The following TENM1 variants were observed in gnomAD, a reference collection of about 807,000 sequenced individuals.
The protein encoded by TENM1 is teneurin transmembrane protein 1.
In TENM1, 35 loss-of-function variants were observed where a neutral mutation model predicts 174.8. The ratio of observed to expected loss-of-function variants is 0.20; its 90% CI spans 0.15 to 0.27. TENM1 has a LOEUF of 0.27. Ranked by LOEUF, TENM1 falls within the 10% of genes least tolerant of loss-of-function variation. TENM1 has a pLI of 1.00. For synonymous variants in TENM1, 781 were observed against 798.7 expected, an observed-to-expected ratio of 0.98 and a Z score of 0.37; for missense variants, 1,633 against 2,130.1, an observed-to-expected ratio of 0.77 and a Z score of 4.59.
At chrX:124,777,502 AT>A (rs749462737) in intron 3 of TENM1, among the ~76,000 whole-genome samples, 1 of 111,826 alleles carries the variant, frequency 8.9e-6, no homozygotes, top group East Asian at 2.8e-4. Context: ...ACTTTGAAGA[AT>A]TGGTAAAGTC....
chrX:124,444,587 A>T (rs189843424), intron 23 of TENM1, among the ~76,000 whole-genome samples: 1 of 111,743 alleles, frequency 8.9e-6, no homozygotes, highest in East Asian at 2.8e-4. Flanking sequence ...TGCTGTTTGC[A>T]TCTATTTTAT....
chrX:124,763,671 A>G (rs1035437334), intron 3 of TENM1, among the ~76,000 whole-genome samples: 8 of 111,910 alleles, frequency 7.1e-5, no homozygotes, highest in Admixed American at 5.7e-4. Flanking sequence ...ACAGGTCTCT[A>G]TTGTAGAGCC....
At chrX:124,748,658 A>G (rs2053992581) in intron 3 of TENM1, among the ~76,000 whole-genome samples, 1 of 112,030 alleles carries the variant, frequency 8.9e-6, no homozygotes, top group East Asian at 2.8e-4. Flanking sequence ...TTACTTAGAG[A>G]TATCATCTGT....
At chrX:124,726,674 T>A (rs762830527) in intron 4 of TENM1, among the ~76,000 whole-genome samples, 1,769 of 112,192 alleles carry the variant, frequency 0.016, 37 homozygotes, top group African/African-American at 0.054. Flanking sequence ...TTTGAGATTT[T>A]TTTTCTCCAG....
intron 3 of TENM1, among the ~76,000 whole-genome samples, chrX:124,843,926 G>A (rs777273382): frequency 1.8e-5 from 2 of 111,540 alleles, no homozygotes; most frequent in South Asian, 3.8e-4. Flanking sequence ...CTTCTATGCC[G>A]TAGGAATGCA....
intron 11 of TENM1, among the ~76,000 whole-genome samples, chrX:124,577,513 T>TA (rs1355908903): frequency 8.9e-6 from 1 of 111,839 alleles, no homozygotes; most frequent in Non-Finnish European, 1.9e-5. Flanking sequence ...CATTTAGTTT[T>TA]AAAAAAATTT....
intron 3 of TENM1, among the ~76,000 whole-genome samples, chrX:124,846,387 C>T (rs1259348368): frequency 1.8e-5 from 2 of 111,126 alleles, no homozygotes; most frequent in African/African-American, 6.5e-5. Context: ...AAATATAATC[C>T]AAGTGAAGTG....
At chrX:125,055,547 G>A in the TENM1 span, among the ~76,000 whole-genome samples, 18,902 of 110,494 alleles carry the variant, frequency 0.17, 1,294 homozygotes, top group Admixed American at 0.32. Flanking sequence ...GTTGGCACAC[G>A]GTAGGTATTC....
chrX:124,687,868 AAGCAGAG>A (rs1265712611), intron 5 of TENM1, among the ~76,000 whole-genome samples: 1 of 112,683 alleles, frequency 8.9e-6, no homozygotes, highest in East Asian at 2.8e-4. Flanking sequence ...AGACTCATAG[AAGCAGAG>A]AGCAGCGTGG....
At chrX:124,728,528 C>A (rs913162369) in intron 4 of TENM1, among the ~76,000 whole-genome samples, 2 of 111,583 alleles carry the variant, frequency 1.8e-5, no homozygotes, top group African/African-American at 6.5e-5. Context: ...AGTATCACCT[C>A]ATGATTTTAG....
At chrX:124,957,410 T>G (rs2058591032) in intron 1 of TENM1, among the ~76,000 whole-genome samples, 1 of 110,210 alleles carries the variant, frequency 9.1e-6, no homozygotes, top group African/African-American at 3.3e-5. Flanking sequence ...ATGGCGAAAC[T>G]TCGTCCCTAT....
At chrX:124,924,645 T>C (rs2058068162) in intron 1 of TENM1, among the ~76,000 whole-genome samples, 2 of 112,057 alleles carry the variant, frequency 1.8e-5, no homozygotes, top group Admixed American at 1.9e-4. Context: ...TTTCATAGTG[T>C]TAATGAAGCC....
upstream of TENM1, among the ~76,000 whole-genome samples, chrX:124,964,718 A>G (rs2058703455): frequency 8.9e-6 from 1 of 111,832 alleles, no homozygotes; most frequent in Admixed American, 9.5e-5. Context: ...CCCTGTAAAA[A>G]TGTTCTTATT....
chrX:124,401,265 G>T (rs938985932), intron 27 of TENM1, among the ~76,000 whole-genome samples: 2 of 111,841 alleles, frequency 1.8e-5, no homozygotes, highest in Non-Finnish European at 1.9e-5. Context: ...TACCAAATGG[G>T]CCTTTAAATG....
chrX:124,639,933 T>A (rs1333057264), intron 11 of TENM1, among the ~76,000 whole-genome samples: 12 of 110,682 alleles, frequency 1.1e-4, no homozygotes, highest in Non-Finnish European at 2.3e-4. Context: ...AACCTTTTTC[T>A]AACTTGTTCA....
the TENM1 span, among the ~76,000 whole-genome samples, chrX:125,042,142 G>T: frequency 9.0e-6 from 1 of 111,165 alleles, no homozygotes; most frequent in African/African-American, 3.2e-5. Context: ...TGCTCTTAGA[G>T]AAAAAACTGC....
intron 4 of TENM1, among the ~76,000 whole-genome samples, chrX:124,708,579 T>A (rs1353164510): frequency 9.0e-6 from 1 of 111,487 alleles, no homozygotes; most frequent in Non-Finnish European, 1.9e-5. Flanking sequence ...AAGTAAATTA[T>A]TTTATAAACA....
intron 20 of TENM1, 141 bp downstream of exon 23, chrX:124,496,875 C>T: frequency 1.7e-6 from 1 of 578,199 alleles, no homozygotes; most frequent in Non-Finnish European, 2.7e-6. Flanking sequence ...TGACCTTTGT[C>T]CCTATTCCTG....
At chrX:124,538,759 G>T (rs775151087) in intron 15 of TENM1, among the ~76,000 whole-genome samples, 4 of 111,977 alleles carry the variant, frequency 3.6e-5, no homozygotes, top group African/African-American at 9.7e-5. Flanking sequence ...GGGGTTACTC[G>T]TAGATAGACA....
Sources: allele counts gnomAD v4.1 joint callset (sites outside exome capture counted in the v4.1 genomes callset), GRCh38; gene constraint gnomAD v4.1.1; transcripts MANE v1.5; gene names NCBI Gene and HGNC (gene_info 2026-07-23, HGNC 2026-07-21).